Variants in CCSER1 observed in about 807,000 individuals in gnomAD.
CCSER1 encodes serine-rich coiled-coil domain-containing protein 1.
A neutral mutation model predicts 82.0 loss-of-function variants in CCSER1; 41 were observed. The observed-to-expected ratio is 0.50, with a 90% CI of 0.39 to 0.65. CCSER1 has a LOEUF of 0.65. CCSER1 is among the 30% of genes least tolerant of loss of function. The probability of loss-of-function intolerance (pLI) is 0.00; values close to 1 mark genes in which losing one functional copy is unlikely to be tolerated. For synonymous variants in CCSER1, 414 were observed against 383.9 expected, an observed-to-expected ratio of 1.08 and a Z score of -0.92; for missense variants, 1,119 against 1,064.2, an observed-to-expected ratio of 1.05 and a Z score of -0.72.
intron 10 of CCSER1, among the ~76,000 whole-genome samples, chr4:91,287,371 C>A (rs1275946687): frequency 6.6e-6 from 1 of 151,876 alleles, no homozygotes; most frequent in Admixed American, 6.6e-5. Context: ...CCTGTCATTT[C>A]CCTTTTTTCT....
chr4:90,429,188 G>A (rs929068895), intron 4 of CCSER1, among the ~76,000 whole-genome samples: 1 of 151,650 alleles, frequency 6.6e-6, no homozygotes, highest in African/African-American at 2.4e-5. Context: ...AAATAATAAT[G>A]CTTAAAAATT....
chr4:91,359,047 C>G (rs1200212773), intron 10 of CCSER1, among the ~76,000 whole-genome samples: 1 of 152,148 alleles, frequency 6.6e-6, no homozygotes, highest in African/African-American at 2.4e-5. Flanking sequence ...AAGCTACTGC[C>G]TTAAAATCCG....
At chr4:91,398,812 T>C (rs1167927519) in intron 10 of CCSER1, among the ~76,000 whole-genome samples, 5 of 151,454 alleles carry the variant, frequency 3.3e-5, no homozygotes, top group Non-Finnish European at 5.9e-5. Flanking sequence ...ATCTAAACCA[T>C]GTTTAGGTCC....
intron 1 of CCSER1, among the ~76,000 whole-genome samples, chr4:90,209,397 G>A (rs949993027): frequency 6.6e-6 from 1 of 152,096 alleles, no homozygotes; most frequent in African/African-American, 2.4e-5. Flanking sequence ...AGAATCTGAG[G>A]GCAATCAGTT....
intron 6 of CCSER1, among the ~76,000 whole-genome samples, chr4:90,685,342 A>G (rs186913706): frequency 6.6e-6 from 1 of 152,224 alleles, no homozygotes; most frequent in African/African-American, 2.4e-5. Context: ...GGAATCAAGG[A>G]AATTTTCCTG....
intron 1 of CCSER1, among the ~76,000 whole-genome samples, chr4:90,196,890 A>G (rs897790195): frequency 6.6e-6 from 1 of 152,030 alleles, no homozygotes; most frequent in Admixed American, 6.6e-5. Context: ...TTTTCCATAC[A>G]TCAAGCCATC....
intron 10 of CCSER1, among the ~76,000 whole-genome samples, chr4:91,225,236 G>A (rs2149106138): frequency 2.2e-5 from 3 of 136,198 alleles, no homozygotes; most frequent in South Asian, 2.2e-4. Flanking sequence ...TTATATACAT[G>A]TATAATTATA....
chr4:91,326,924 C>T (rs947966994), intron 10 of CCSER1, among the ~76,000 whole-genome samples: 3 of 152,154 alleles, frequency 2.0e-5, no homozygotes, highest in Non-Finnish European at 2.9e-5. Context: ...ACATCCAGGC[C>T]ACTCTGACAC....
chr4:91,511,330 T>C (rs1460634313), intron 10 of CCSER1, among the ~76,000 whole-genome samples: 2 of 152,192 alleles, frequency 1.3e-5, no homozygotes. Context: ...CTATGTGAAT[T>C]TTAGAATAGC....
intron 3 of CCSER1, among the ~76,000 whole-genome samples, chr4:90,360,387 G>T (rs1433737345): frequency 6.7e-6 from 1 of 149,762 alleles, no homozygotes; most frequent in African/African-American, 2.4e-5. Flanking sequence ...AAAATTAGCC[G>T]GGTGTGGTGG....
chr4:91,349,521 A>G (rs183564258), intron 10 of CCSER1, among the ~76,000 whole-genome samples: 73 of 152,258 alleles, frequency 4.8e-4, no homozygotes, highest in Admixed American at 4.6e-3. Context: ...AATAACCCTT[A>G]AAGGGCTTCC....
chr4:90,427,240 G>A (rs866739205), intron 4 of CCSER1, among the ~76,000 whole-genome samples: 11 of 151,582 alleles, frequency 7.3e-5, no homozygotes, highest in African/African-American at 1.5e-4. Flanking sequence ...TGGAGAATTC[G>A]GACAAAAATT....
chr4:90,905,090 T>C (rs1240182184), intron 8 of CCSER1, among the ~76,000 whole-genome samples: 1 of 152,094 alleles, frequency 6.6e-6, no homozygotes, highest in African/African-American at 2.4e-5. Context: ...ACTCTTATTT[T>C]GAGTCTGGAA....
intron 10 of CCSER1, among the ~76,000 whole-genome samples, chr4:91,571,970 A>AG (rs1763207757): frequency 6.6e-6 from 1 of 152,008 alleles, no homozygotes; most frequent in African/African-American, 2.4e-5. Flanking sequence ...CTCCTTCATT[A>AG]GTTCGAGGGT....
At chr4:90,148,784 AT>A (rs1174546514) in intron 1 of CCSER1, among the ~76,000 whole-genome samples, 1 of 151,838 alleles carries the variant, frequency 6.6e-6, no homozygotes, top group Non-Finnish European at 1.5e-5. Flanking sequence ...TAGCTGACTT[AT>A]TTTTTTTCTC....
intron 5 of CCSER1, among the ~76,000 whole-genome samples, chr4:90,481,870 A>G (rs1388655913): frequency 6.6e-6 from 1 of 152,172 alleles, no homozygotes; most frequent in Admixed American, 6.5e-5. Context: ...TGGTATCAGG[A>G]TGATGGTTGC....
chr4:91,501,035 T>G (rs1759180913), intron 10 of CCSER1, among the ~76,000 whole-genome samples: 1 of 151,866 alleles, frequency 6.6e-6, no homozygotes, highest in Non-Finnish European at 1.5e-5. Context: ...ATGCCCTTAA[T>G]AATTATAGAT....
chr4:91,155,631 A>G (rs1730738112), intron 10 of CCSER1, among the ~76,000 whole-genome samples: 2 of 152,014 alleles, frequency 1.3e-5, no homozygotes, highest in Admixed American at 6.6e-5. Context: ...TGAATGATAT[A>G]GAATGAATTA....
chr4:91,482,933 A>T (rs940171994), intron 10 of CCSER1, among the ~76,000 whole-genome samples: 3 of 151,146 alleles, frequency 2.0e-5, no homozygotes, highest in African/African-American at 7.3e-5. Context: ...ATCACACACC[A>T]GGGCCTGTTG....
Sources: gnomAD v4.1 joint callset for allele counts (sites outside exome capture counted in the v4.1 genomes callset) on GRCh38, gnomAD v4.1.1 for gene constraint, MANE v1.5 for transcripts, NCBI Gene and HGNC (gene_info 2026-07-23, HGNC 2026-07-21) for gene names.